The following RNF141 variants were observed in gnomAD, a reference collection of about 807,000 sequenced individuals.
RNF141 encodes C3HC4-like zinc finger protein.
Under a neutral mutation model 27.4 loss-of-function variants are expected in RNF141, and 18 were observed. That is an observed-to-expected ratio of 0.66 (90% CI 0.45 to 0.97). The LOEUF (loss-of-function observed/expected upper bound fraction) is 0.97. Among genes scored for constraint, RNF141 ranks in the 50% least tolerant of loss-of-function variants. The pLI is 0.00. For synonymous variants in RNF141, 97 were observed against 96.6 expected, an observed-to-expected ratio of 1.00 and a Z score of -0.02; for missense variants, 230 against 279.4, an observed-to-expected ratio of 0.82 and a Z score of 1.26.
intron 1 of RNF141, among the ~76,000 whole-genome samples, chr11:10,538,079 T>C (rs940119988): frequency 6.6e-6 from 1 of 152,250 alleles, no homozygotes; most frequent in African/African-American, 2.4e-5. Context: ...AGTTGCTTAT[T>C]TATTGAGTTA....
intron 2 of RNF141, among the ~76,000 whole-genome samples, chr11:10,533,768 C>T (rs1254581032): frequency 6.6e-6 from 1 of 152,098 alleles, no homozygotes; most frequent in African/African-American, 2.4e-5. Context: ...AGAATTGCTT[C>T]AATATGCCTG....
rs533354212 is a variant in RNF141 at position 10,526,268 on chromosome 11, A to C, written c.253-895T>G. Among the ~76,000 whole-genome samples, 6 of 152,280 alleles carry C rather than the reference A, an allele frequency of 3.9e-5. No homozygotes were observed. The South Asian group carries it at 1.0e-3, about 26-fold the overall frequency. On this transcript the variant is annotated intron_variant, in intron 3 of 5. Coordinates refer to ENST00000265981, the MANE Select transcript of RNF141 (RefSeq NM_016422.4). ...CAAAATCAGAAAATATTTAGAAAGAAATGAAGAATATAGGGAGAGAGACAA... is the reference window on the plus strand; with the variant it reads ...CAAAATCAGAAAATATTTAGAAAGACATGAAGAATATAGGGAGAGAGACAA...
chr11:10,533,988 A>G (rs1289308085), intron 2 of RNF141, 28 bp downstream of exon 2: 1 of 1,605,962 alleles, frequency 6.2e-7, no homozygotes, highest in East Asian at 2.2e-5. Flanking sequence ...CAAGGGGAAA[A>G]ACGAAAAACA....
chr11:10,536,032 T>A (rs1850031722), intron 1 of RNF141, among the ~76,000 whole-genome samples: 1 of 152,116 alleles, frequency 6.6e-6, no homozygotes, highest in African/African-American at 2.4e-5. Flanking sequence ...CTGTGGAGCA[T>A]CCAATACAGT....
In RNF141 at chr11:10,530,732, C is replaced by T. The variant is rs770636407; in HGVS notation, c.163G>A (p.Gly55Ser). 1 of 1,605,016 alleles carries T rather than the reference C, an allele frequency of 6.2e-7. No individual in the cohort carries two copies. The highest frequency in any genetic ancestry group is 2.3e-5 in the East Asian group (1 of 44,398). Residue 55 changes from glycine to serine, a missense_variant, in exon 3 of 6, where the codon GGC becomes AGC. Coordinates refer to ENST00000265981, the MANE Select transcript of RNF141 (RefSeq NM_016422.4). The stretch of plus-strand genomic sequence containing the variant: ...TCAAAGAGAAGATGTTTTTCCTGGC[C>T]AGAAGCCACTTTAGCCGTTCTGAAA... The part of the protein sequence containing the change: ...LNDVTAKVAS[G>S]QEKHLLFEVQ...
chr11:10,514,446 A>G lies in RNF141; in HGVS notation c.*470T>C, dbSNP rs1328873903. The stretch of plus-strand genomic sequence containing the variant: ...TATATACTCCTTAGATTCCAGCAGA[A>G]AGACTAGTTTTAAGTAGTAACATGC... On this transcript the variant is annotated 3_prime_UTR_variant, in exon 6 of 6. Transcript: ENST00000265981. The G allele has an allele frequency of 6.5e-6, 1 of 152,924 alleles. No homozygotes were observed. The highest frequency in any genetic ancestry group is 1.5e-5 in the Non-Finnish European group (1 of 68,252). 9.5% of individuals were successfully genotyped at this position (152,924 alleles called of 1,614,324 possible).
In RNF141 at chr11:10,534,108, T is replaced by C; in HGVS notation, c.51A>G (p.Pro17=). The change falls in exon 2 of 6, where the codon CCA becomes CCG. Residue 17 remains proline (P), a synonymous_variant. Transcript: ENST00000265981. ...DQTQLVINKL[P]EKVAKHVTLV... ...ACGTAACATGTTTTGCTACTTTTTC[T>C]GGTAACTTGTTAATAACCAACTGTG... The C allele has an allele frequency of 6.2e-7, 1 of 1,613,814 alleles. No homozygotes were observed. The highest frequency in any genetic ancestry group is 8.5e-7 in the Non-Finnish European group (1 of 1,179,766).
intron 4 of RNF141, among the ~76,000 whole-genome samples, chr11:10,522,468 G>A (rs1849895411): frequency 6.6e-6 from 1 of 152,222 alleles, no homozygotes; most frequent in Admixed American, 6.5e-5. Context: ...TAGATCACCT[G>A]TAGATTGGAA....
chr11:10,517,124 ATTCT>A (rs1188584946), intron 5 of RNF141: 2 of 152,190 alleles, frequency 1.3e-5, no homozygotes, highest in East Asian at 3.8e-4. Context: ...TTATAGCTAT[ATTCT>A]ATATAGTTAA....
In RNF141 at chr11:10,519,158, G is replaced by A. The variant is rs1849866469; in HGVS notation, c.435-17C>T. 3.1e-6 allele frequency: 5 copies of A among 1,595,674 alleles called. No individual in the cohort carries two copies. In the East Asian group the frequency reaches 1.1e-4, roughly 36 times the overall value. On this transcript the variant is annotated splice_polypyrimidine_tract_variant and intron_variant, in intron 4 of 5. Transcript: ENST00000265981. The stretch of plus-strand genomic sequence containing the variant: ...TGCTTCACCCTGCAATGTGAAAACT[G>A]AGCTGAAACAATTATATTCTCTGTC...
At chr11:10,534,725 G>GTT (rs1380028720) in intron 1 of RNF141, among the ~76,000 whole-genome samples, 1 of 152,102 alleles carries the variant, frequency 6.6e-6, no homozygotes, top group East Asian at 1.9e-4. Flanking sequence ...TTACACAGCT[G>GTT]TAAGTGGTGA....
intron 1 of RNF141, among the ~76,000 whole-genome samples, chr11:10,538,348 T>C (rs10840437): frequency 0.29 from 44,716 of 152,100 alleles, 6,953 homozygotes; most frequent in Middle Eastern, 0.37. Context: ...CCATAAAATA[T>C]TGATAAATAT....
At chr11:10,535,405 A>G (rs1850025539) in intron 1 of RNF141, among the ~76,000 whole-genome samples, 1 of 151,612 alleles carries the variant, frequency 6.6e-6, no homozygotes, top group South Asian at 2.1e-4. Flanking sequence ...CTACTTGGTA[A>G]TAATAAATAT....
intron 3 of RNF141, among the ~76,000 whole-genome samples, chr11:10,526,980 C>T (rs1280804747): frequency 1.3e-5 from 2 of 152,112 alleles, no homozygotes; most frequent in Admixed American, 6.5e-5. Flanking sequence ...AACAGGCTTA[C>T]AAAATAGATC....
At chr11:10,539,427 T>C (rs551262047) in intron 1 of RNF141, among the ~76,000 whole-genome samples, 7 of 151,838 alleles carry the variant, frequency 4.6e-5, no homozygotes, top group Non-Finnish European at 1.0e-4. Context: ...AAGGATTTAA[T>C]TGAAATAAAC....
At position 10,518,958 on chromosome 11, in the gene RNF141, T is replaced by C. The variant is rs1026914400; in HGVS notation, c.542+76A>G. ...CTCTCATACTTAACTACAGTATTTT[T>C]GCACTTTTCAAAGTTTATTCATGTA... On this transcript the variant is annotated intron_variant, in intron 5 of 5. Transcript: ENST00000265981. 8 of 1,023,690 alleles carry C rather than the reference T, an allele frequency of 7.8e-6. No homozygotes were observed. In the African/African-American group the frequency reaches 9.5e-5, roughly 12 times the overall value. 63.4% of individuals were successfully genotyped at this position (1,023,690 alleles called of 1,614,324 possible).
intron 3 of RNF141, among the ~76,000 whole-genome samples, chr11:10,526,462 G>A (rs1466574356): frequency 6.6e-6 from 1 of 152,084 alleles, no homozygotes; most frequent in Non-Finnish European, 1.5e-5. Context: ...TATTTGAAAA[G>A]GCAGGGAAAA....
At chr11:10,538,790 A>G (rs1850059389) in intron 1 of RNF141, among the ~76,000 whole-genome samples, 1 of 152,226 alleles carries the variant, frequency 6.6e-6, no homozygotes, top group Non-Finnish European at 1.5e-5. Context: ...GAAAATGTAA[A>G]ACTGTGAAAA....
chr11:10,518,068 G>C (rs777280960), intron 5 of RNF141, among the ~76,000 whole-genome samples: 5 of 152,144 alleles, frequency 3.3e-5, no homozygotes, highest in African/African-American at 4.8e-5. Flanking sequence ...TATGTGGATA[G>C]GAAGATGCAC....
Sources: gnomAD v4.1 joint callset for allele counts (sites outside exome capture counted in the v4.1 genomes callset) on GRCh38, gnomAD v4.1.1 for gene constraint, MANE v1.5 for transcripts, NCBI Gene and HGNC (gene_info 2026-07-23, HGNC 2026-07-21) for gene names.